IL33: variants seen among roughly 807,000 people sequenced by gnomAD.
IL33 encodes interleukin 33.
IL33 carries 37 observed loss-of-function variants against 27.3 expected under a neutral mutation model. The observed-to-expected ratio is 1.36, with a 90% CI of 1.04 to 1.78. The LOEUF is 1.78. Among genes scored for constraint, IL33 ranks in the 40% most tolerant of loss-of-function variants. IL33 has a pLI of 0.00. For missense variants in IL33, 406 were observed against 311.4 expected (o/e 1.30, Z -2.29); for synonymous variants, 132 against 102.9 (o/e 1.28, Z -1.71).
rs1816333112 is a variant in IL33, at chr9:6,251,185, A to T, written c.263A>T (p.Gln88Leu). The T allele has an allele frequency of 6.2e-7, 1 of 1,613,960 alleles. No individual in the cohort carries two copies. Among genetic ancestry groups the T allele is most frequent in the African/African-American group, 1.3e-5 (1 of 74,936 alleles). ...CTGGTACTCGCTGCCTGTCAACAGC[A>T]GTCTACTGTGGAGTGCTTTGCCTTT... ...RHLVLAACQQQSTVECFAFGI... is the reference protein window; with the variant it reads ...RHLVLAACQQLSTVECFAFGI... Residue 88 changes from glutamine (Q) to leucine (L), a missense_variant, in exon 4 of 8, where the codon CAG becomes CTG. By Grantham distance (113) the Gln-to-Leu change is moderately radical. Coordinates refer to ENST00000682010, the MANE Select transcript of IL33 (RefSeq NM_033439.4).
intron 2 of IL33, 52 bp downstream of exon 2, chr9:6,241,837 T>C: frequency 8.1e-7 from 1 of 1,229,766 alleles, no homozygotes; most frequent in East Asian, 2.5e-5. Context: ...TTATCTGTTA[T>C]CAAATATTTA....
intron 1 of IL33, among the ~76,000 whole-genome samples, chr9:6,234,658 C>T (rs1229628888): frequency 6.6e-6 from 1 of 152,198 alleles, no homozygotes; most frequent in Non-Finnish European, 1.5e-5. Flanking sequence ...ATTCCATCCC[C>T]TCCTCGTTAG....
At chr9:6,246,292 G>C (rs182674337) in intron 2 of IL33, among the ~76,000 whole-genome samples, 3 of 151,734 alleles carry the variant, frequency 2.0e-5, no homozygotes, top group Non-Finnish European at 4.4e-5. Flanking sequence ...GGCTGGGTGC[G>C]GTGGCTTATG....
chr9:6,238,111 C>T (rs749926922), intron 1 of IL33, among the ~76,000 whole-genome samples: 2 of 151,910 alleles, frequency 1.3e-5, no homozygotes, highest in Non-Finnish European at 2.9e-5. Context: ...TGTTTTGAGG[C>T]GGAAAGGGAG....
chr9:6,245,931 C>T (rs113372176), intron 2 of IL33, among the ~76,000 whole-genome samples: 7,761 of 151,114 alleles, frequency 0.051, 357 homozygotes, highest in African/African-American at 0.12. Flanking sequence ...GGCATGGTGG[C>T]GGGCGCCTGT....
intron 1 of IL33, among the ~76,000 whole-genome samples, chr9:6,230,701 C>T (rs113911903): frequency 1.3e-5 from 2 of 152,290 alleles, no homozygotes; most frequent in African/African-American, 2.4e-5. Context: ...ACTGGTATTG[C>T]TTCCAGTACC....
intron 3 of IL33, among the ~76,000 whole-genome samples, chr9:6,250,877 A>T (rs975676986): frequency 6.6e-6 from 1 of 152,196 alleles, no homozygotes; most frequent in Non-Finnish European, 1.5e-5. Flanking sequence ...AATTTAAAGG[A>T]AATAGGTTTA....
intron 2 of IL33, among the ~76,000 whole-genome samples, chr9:6,249,704 C>T (rs1816217551): frequency 1.3e-5 from 2 of 152,202 alleles, no homozygotes; most frequent in African/African-American, 2.4e-5. Context: ...AGGCACACTT[C>T]AGTCACAACT....
chr9:6,246,256 T>C (rs7849201), intron 2 of IL33, among the ~76,000 whole-genome samples: 53,775 of 151,736 alleles, frequency 0.35, 9,922 homozygotes, highest in East Asian at 0.5. Context: ...GTAATTACCA[T>C]TGCGATAGTA....
At chr9:6,228,363 G>C (rs1818744772) in intron 1 of IL33, among the ~76,000 whole-genome samples, 1 of 152,092 alleles carries the variant, frequency 6.6e-6, no homozygotes, top group Non-Finnish European at 1.5e-5. Flanking sequence ...CTTTTGCTAA[G>C]TATTTCATAC....
chr9:6,254,900 G>A (rs7871381), intron 7 of IL33, among the ~76,000 whole-genome samples: 79,152 of 151,900 alleles, frequency 0.52, 22,489 homozygotes, highest in Non-Finnish European at 0.64. Context: ...TAAAGTTTGA[G>A]AAGCACTGTT....
At position 6,218,899 on chromosome 9, in the gene IL33, C is replaced by CAT. The variant is rs200982905; in HGVS notation, c.-12+3090_-12+3091dup. On this transcript the variant is annotated intron_variant, in intron 1 of 7. Transcript: ENST00000682010. Reference sequence around the variant, plus strand: ...GTTCTCCATATATATATATGTTCTCCATATATATATATATATATATATATA... The same window carrying CAT: ...GTTCTCCATATATATATATGTTCTCCATATATATATATATATATATATATATA... Among the ~76,000 whole-genome samples the CAT allele has an allele frequency of 4.9e-4, 11 of 22,678 alleles. 2 individuals carry two copies. Among genetic ancestry groups the CAT allele is most frequent in the South Asian group, 2.2e-3 (1 of 458 alleles). 14.9% of individuals were successfully genotyped at this position (22,678 alleles called of 152,430 possible). A position where few individuals can be genotyped will look rare whatever the true frequency, so the allele number is the denominator to read the frequency against.
At chr9:6,234,106 C>A (rs1564057258) in intron 1 of IL33, among the ~76,000 whole-genome samples, 1 of 152,196 alleles carries the variant, frequency 6.6e-6, no homozygotes, top group Non-Finnish European at 1.5e-5. Context: ...TCTCCTCTTT[C>A]CCCTTACATG....
rs147855325 is a variant in IL33, at chr9:6,252,978, A to C, written c.456A>C (p.Lys152Asn). The C allele has an allele frequency of 4.6e-6, 7 of 1,532,432 alleles. No individual in the cohort carries two copies. The highest frequency in any genetic ancestry group is 5.3e-6 in the Non-Finnish European group (6 of 1,125,342). 94.9% of individuals were successfully genotyped at this position (1,532,432 alleles called of 1,614,324 possible). A position where few individuals can be genotyped will look rare whatever the true frequency, so the allele number is the denominator to read the frequency against. Residue 152 changes from lysine to asparagine, a missense_variant, in exon 5 of 8, where the codon AAA (lysine) becomes AAC (asparagine). Coordinates refer to ENST00000682010, the MANE Select transcript of IL33 (RefSeq NM_033439.4). ...AGATATATGTTGAAGACTTGAAAAA[A>C]GATGAAAAGAAAGGTAGATTATTTT... ...SYEIYVEDLK[K>N]DEKKDKVLLS...
At chr9:6,243,851 T>C (rs1049873702) in intron 2 of IL33, among the ~76,000 whole-genome samples, 3 of 152,228 alleles carry the variant, frequency 2.0e-5, no homozygotes, top group Non-Finnish European at 4.4e-5. Context: ...GTTAATATCA[T>C]TTCTGTCTCA....
chr9:6,230,108 A>G (rs1483511240), intron 1 of IL33, among the ~76,000 whole-genome samples: 1 of 152,206 alleles, frequency 6.6e-6, no homozygotes, highest in Non-Finnish European at 1.5e-5. Flanking sequence ...TGGGGCAGGT[A>G]GTGCCAATGT....
rs1306183928 is a variant in IL33, at chr9:6,250,555, G to T, written c.173G>T (p.Cys58Phe). The T allele has an allele frequency of 1.2e-6, 2 of 1,613,978 alleles. No homozygotes were observed. Among genetic ancestry groups the T allele is most frequent in the South Asian group, 2.2e-5 (2 of 91,060 alleles). ...RSGLMIKKEA[C>F]YFRRETTKRP... ...GGCCTTATGATAAAAAAGGAGGCCTGTTACTTTAGGAGAGAAACCACCAAA... is the reference window on the plus strand; with the variant it reads ...GGCCTTATGATAAAAAAGGAGGCCTTTTACTTTAGGAGAGAAACCACCAAA... The change falls in exon 3 of 8, where the codon TGT (cysteine) becomes TTT (phenylalanine). Residue 58 changes from cysteine (C) to phenylalanine (F), a missense_variant. Cys to Phe is a radical substitution (Grantham distance 205, BLOSUM62 -2). Transcript: ENST00000682010.
chr9:6,249,341 T>C (rs975407437), intron 2 of IL33, among the ~76,000 whole-genome samples: 1 of 152,194 alleles, frequency 6.6e-6, no homozygotes, highest in Non-Finnish European at 1.5e-5. Flanking sequence ...TCACAAATAA[T>C]ATTTTATTTT....
chr9:6,233,383 G>A (rs923912776), intron 1 of IL33, among the ~76,000 whole-genome samples: 1 of 152,100 alleles, frequency 6.6e-6, no homozygotes, highest in African/African-American at 2.4e-5. Context: ...CTCTACTGCA[G>A]GAAGAAGTGT....
Sources: gnomAD v4.1 joint callset for allele counts (sites outside exome capture counted in the v4.1 genomes callset) on GRCh38, gnomAD v4.1.1 for gene constraint, MANE v1.5 for transcripts, NCBI Gene and HGNC (gene_info 2026-07-23, HGNC 2026-07-21) for gene names.